The following CNTN5 variants were observed in gnomAD, a reference collection of about 807,000 sequenced individuals.
The protein encoded by CNTN5 is contactin 5.
In CNTN5, 77 loss-of-function variants were observed where a neutral mutation model predicts 129.1. That is an observed-to-expected ratio of 0.60 (90% CI 0.50 to 0.72). The LOEUF is 0.72. CNTN5 is among the 30% of genes least tolerant of loss of function. The probability of loss-of-function intolerance (pLI) is 0.00; values close to 1 mark genes in which losing one functional copy is unlikely to be tolerated. For synonymous variants in CNTN5, 509 were observed against 465.6 expected, an observed-to-expected ratio of 1.09 and a Z score of -1.20; for missense variants, 1,478 against 1,328.8, an observed-to-expected ratio of 1.11 and a Z score of -1.75.
intron 21 of CNTN5, among the ~76,000 whole-genome samples, chr11:100,313,430 G>A (rs1951511916): frequency 7.5e-6 from 1 of 133,206 alleles, no homozygotes; most frequent in South Asian, 2.4e-4. Context: ...TGGACACATA[G>A]GTAAATTGTG....
In CNTN5 at chr11:100,070,646, A is replaced by G. The variant is rs1292443546; in HGVS notation, c.1299+86A>G. The stretch of plus-strand genomic sequence containing the variant: ...AACTAGGCTTCTTTAGTCTTATTGA[A>G]AGCCTTTTCCTGTTTCTGATTCGTA... On this transcript the variant is annotated intron_variant, in intron 11 of 24. Transcript: ENST00000524871. 4 of 1,298,040 alleles carry G rather than the reference A, an allele frequency of 3.1e-6. No homozygotes were observed. The African/African-American group carries it at 4.4e-5, about 14-fold the overall frequency. 80.4% of individuals were successfully genotyped at this position (1,298,040 alleles called of 1,614,324 possible).
chr11:100,257,292 G>T (rs1276247110), intron 17 of CNTN5, among the ~76,000 whole-genome samples: 1 of 152,170 alleles, frequency 6.6e-6, no homozygotes, highest in Non-Finnish European at 1.5e-5. Context: ...CCAGTCAGGA[G>T]CTTATAGATA....
intron 13 of CNTN5, among the ~76,000 whole-genome samples, chr11:100,146,285 G>A (rs1006385923): frequency 6.6e-6 from 1 of 152,124 alleles, no homozygotes; most frequent in Admixed American, 6.6e-5. Flanking sequence ...CAGTGATTAT[G>A]TCTAAATGTT....
intron 18 of CNTN5, among the ~76,000 whole-genome samples, chr11:100,294,049 G>C (rs898247113): frequency 1.3e-5 from 2 of 151,334 alleles, no homozygotes. Flanking sequence ...TCATTCTTCA[G>C]CACCTTTCTT....
chr11:100,339,178 G>A (rs1231298199), intron 21 of CNTN5, among the ~76,000 whole-genome samples: 2 of 152,072 alleles, frequency 1.3e-5, no homozygotes, highest in Non-Finnish European at 1.5e-5. Flanking sequence ...CTCATCACAT[G>A]GGGCAACTAC....
At chr11:99,981,103 T>TATATATATATATATATACAC (rs1014330113) in intron 8 of CNTN5, among the ~76,000 whole-genome samples, 4 of 54,508 alleles carry the variant, frequency 7.3e-5, no homozygotes, top group East Asian at 9.8e-4. Context: ...TATATATATA[T>TATATATATATATATATACAC]ACACACACAC....
intron 1 of CNTN5, among the ~76,000 whole-genome samples, chr11:99,305,381 AG>A (rs1409734722): frequency 1.3e-5 from 2 of 152,194 alleles, no homozygotes; most frequent in African/African-American, 4.8e-5. Flanking sequence ...CAATCTGTAA[AG>A]TTTTAATTAA....
At position 100,337,332 on chromosome 11, in the gene CNTN5, TG is replaced by T. The variant is rs1346108759; in HGVS notation, c.2731-3129del. On this transcript the variant is annotated intron_variant, in intron 21 of 24. Coordinates refer to ENST00000524871, the MANE Select transcript of CNTN5 (RefSeq NM_014361.4). The stretch of plus-strand genomic sequence containing the variant: ...ATGAATGAGTTCACCATACATATTC[TG>T]GAAGTGATCGATGCACACATGATCA... 3 of 897,964 alleles carry T rather than the reference TG, an allele frequency of 3.3e-6. No homozygotes were observed. The African/African-American group carries it at 4.9e-5, about 15-fold the overall frequency. 55.6% of individuals were successfully genotyped at this position (897,964 alleles called of 1,614,324 possible).
intron 2 of CNTN5, among the ~76,000 whole-genome samples, chr11:99,362,308 T>A (rs1252522601): frequency 6.6e-6 from 1 of 152,038 alleles, no homozygotes; most frequent in Non-Finnish European, 1.5e-5. Flanking sequence ...TTCAAGTCCT[T>A]TGCCCATTCT....
chr11:99,257,992 GA>G (rs1862453068), intron 1 of CNTN5, among the ~76,000 whole-genome samples: 1 of 152,024 alleles, frequency 6.6e-6, no homozygotes, highest in South Asian at 2.1e-4. Context: ...GAAATTTAGT[GA>G]GATGAAATTC....
chr11:100,120,289 GT>G (rs1945974679), intron 13 of CNTN5, among the ~76,000 whole-genome samples: 1 of 152,026 alleles, frequency 6.6e-6, no homozygotes, highest in South Asian at 2.1e-4. Flanking sequence ...CTCCGGGGAA[GT>G]TATCCAATTT....
intron 3 of CNTN5, among the ~76,000 whole-genome samples, chr11:99,577,607 T>C (rs866910031): frequency 1.2e-4 from 19 of 152,250 alleles, no homozygotes; most frequent in Middle Eastern, 3.4e-3. Flanking sequence ...TATTTTTCCA[T>C]TGAGCCCGAT....
At chr11:100,291,623 G>T (rs1203399575) in intron 18 of CNTN5, among the ~76,000 whole-genome samples, 6 of 151,832 alleles carry the variant, frequency 4.0e-5, no homozygotes, top group Admixed American at 1.3e-4. Flanking sequence ...AAGGGGGAGG[G>T]ATAGCATTGG....
At chr11:99,773,167 C>T (rs1409371239) in intron 3 of CNTN5, among the ~76,000 whole-genome samples, 1 of 152,002 alleles carries the variant, frequency 6.6e-6, no homozygotes, top group Non-Finnish European at 1.5e-5. Context: ...ATAAGTCAAC[C>T]TGAATTTTAA....
chr11:100,320,698 T>C (rs1295812646), intron 21 of CNTN5, among the ~76,000 whole-genome samples: 2 of 152,214 alleles, frequency 1.3e-5, no homozygotes, highest in African/African-American at 4.8e-5. Flanking sequence ...ATATCTTATG[T>C]TTACATCTTT....
intron 6 of CNTN5, among the ~76,000 whole-genome samples, chr11:99,884,065 C>G (rs1663552018): frequency 6.6e-6 from 1 of 152,106 alleles, no homozygotes; most frequent in African/African-American, 2.4e-5. Flanking sequence ...GTAACGGCCC[C>G]CAAACAGAAG....
chr11:99,376,917 T>G (rs933293217), intron 2 of CNTN5, among the ~76,000 whole-genome samples: 3 of 152,186 alleles, frequency 2.0e-5, no homozygotes, highest in African/African-American at 7.2e-5. Context: ...AGAATTCGAT[T>G]TATTAACTTT....
At chr11:99,263,585 G>T (rs551927304) in intron 1 of CNTN5, among the ~76,000 whole-genome samples, 1 of 151,960 alleles carries the variant, frequency 6.6e-6, no homozygotes, top group Non-Finnish European at 1.5e-5. Context: ...TTCTTGCTTT[G>T]GGGGAAAAAG....
chr11:99,723,762 A>ATG (rs1188232524), intron 3 of CNTN5, among the ~76,000 whole-genome samples: 2 of 151,638 alleles, frequency 1.3e-5, no homozygotes, highest in South Asian at 2.1e-4. Context: ...GTGTGTGTGT[A>ATG]TGTGTGTGTG....
Sources: gnomAD v4.1 joint callset for allele counts (sites outside exome capture counted in the v4.1 genomes callset) on GRCh38, gnomAD v4.1.1 for gene constraint, MANE v1.5 for transcripts, NCBI Gene and HGNC (gene_info 2026-07-23, HGNC 2026-07-21) for gene names.